SPATA6: variants seen among roughly 807,000 people sequenced by gnomAD.
SPATA6 encodes the protein spermatogenesis-associated protein 6.
Under a neutral mutation model 65.3 loss-of-function variants are expected in SPATA6, and 56 were observed. The ratio of observed to expected loss-of-function variants is 0.86; its 90% CI spans 0.69 to 1.07. SPATA6 has a LOEUF of 1.07. Ranked by LOEUF, SPATA6 falls within the 50% of genes least tolerant of loss-of-function variation. The pLI, the probability that SPATA6 is intolerant of heterozygous loss-of-function variation, is 0.00. For missense variants in SPATA6, 590 were observed against 594.8 expected, an observed-to-expected ratio of 0.99 and a Z score of 0.08; for synonymous variants, 199 against 213.2, an observed-to-expected ratio of 0.93 and a Z score of 0.58.
chr1:48,344,146 T>C (rs1646297065), intron 11 of SPATA6: 1 of 152,096 alleles, frequency 6.6e-6, no homozygotes, highest in Non-Finnish European at 1.5e-5. Flanking sequence ...AACAAAAATG[T>C]TAAAAGTGTA....
chr1:48,377,765 C>G (rs1177563947), intron 9 of SPATA6, among the ~76,000 whole-genome samples: 1 of 152,142 alleles, frequency 6.6e-6, no homozygotes, highest in Admixed American at 6.6e-5. Flanking sequence ...AGCAGGGGAA[C>G]GGAACAGAGT....
intron 2 of SPATA6, among the ~76,000 whole-genome samples, chr1:48,452,252 C>T (rs899738165): frequency 2.0e-5 from 3 of 149,836 alleles, no homozygotes; most frequent in African/African-American, 4.9e-5. Context: ...GGAAGGAAGG[C>T]GAGAAGGAAG....
At chr1:48,313,288 C>G (rs934367574) in intron 11 of SPATA6, among the ~76,000 whole-genome samples, 1 of 152,142 alleles carries the variant, frequency 6.6e-6, no homozygotes, top group Non-Finnish European at 1.5e-5. Context: ...TAAGGGCAGC[C>G]AGAGAGAAAG....
intron 11 of SPATA6, among the ~76,000 whole-genome samples, chr1:48,329,110 T>A (rs72891582): frequency 0.015 from 2,263 of 152,170 alleles, 56 homozygotes; most frequent in African/African-American, 0.052. Context: ...TGAGAAGAAA[T>A]TAAAGTAGCT....
intron 3 of SPATA6, among the ~76,000 whole-genome samples, chr1:48,421,543 T>A (rs758745387): frequency 6.6e-6 from 1 of 152,054 alleles, no homozygotes; most frequent in Non-Finnish European, 1.5e-5. Context: ...ATTAAGCCAA[T>A]CGTAAATAAA....
chr1:48,285,576 C>A, the SPATA6 span, among the ~76,000 whole-genome samples: 1 of 151,962 alleles, frequency 6.6e-6, no homozygotes, highest in African/African-American at 2.4e-5. Flanking sequence ...TGGCATGGCA[C>A]CCAAAGGAAT....
chr1:48,279,666 A>T, the SPATA6 span, among the ~76,000 whole-genome samples: 1 of 152,224 alleles, frequency 6.6e-6, no homozygotes, highest in Non-Finnish European at 1.5e-5. Context: ...ATACAGGAGC[A>T]TGCAGATTCA....
the SPATA6 span, among the ~76,000 whole-genome samples, chr1:48,273,017 C>A: frequency 6.6e-6 from 1 of 151,984 alleles, no homozygotes; most frequent in Non-Finnish European, 1.5e-5. Flanking sequence ...AGGATTTAAC[C>A]CCTTATTGAA....
intron 11 of SPATA6, among the ~76,000 whole-genome samples, chr1:48,342,864 T>A (rs996285387): frequency 6.6e-6 from 1 of 152,030 alleles, no homozygotes; most frequent in African/African-American, 2.4e-5. Context: ...ATAAAAAATT[T>A]TAAAGGACCT....
chr1:48,286,875 A>G, the SPATA6 span, among the ~76,000 whole-genome samples: 3 of 152,088 alleles, frequency 2.0e-5, no homozygotes, highest in East Asian at 3.9e-4. Context: ...TGTCTCTACT[A>G]AAAGTACAAA....
intron 11 of SPATA6, among the ~76,000 whole-genome samples, chr1:48,319,046 G>A (rs1439186508): frequency 6.6e-6 from 1 of 152,200 alleles, no homozygotes; most frequent in Admixed American, 6.5e-5. Context: ...ATGGTGCTGT[G>A]ACAACCAGAT....
At chr1:48,283,340 A>G in the SPATA6 span, among the ~76,000 whole-genome samples, 1 of 126,540 alleles carries the variant, frequency 7.9e-6, no homozygotes, top group Admixed American at 8.0e-5. Flanking sequence ...TAATAATAAT[A>G]AAATAAAAAA....
intron 9 of SPATA6, among the ~76,000 whole-genome samples, chr1:48,380,560 T>C (rs1648445486): frequency 1.3e-5 from 2 of 152,388 alleles, no homozygotes; most frequent in South Asian, 4.1e-4. Flanking sequence ...TAGTACTTGC[T>C]CTTCATTCTA....
intron 12 of SPATA6, among the ~76,000 whole-genome samples, chr1:48,301,172 A>G (rs1426982079): frequency 2.0e-5 from 3 of 152,126 alleles, no homozygotes; most frequent in South Asian, 2.1e-4. Flanking sequence ...AAAATGAATA[A>G]ACACATTTAG....
chr1:48,316,771 G>A (rs545515272), intron 11 of SPATA6, among the ~76,000 whole-genome samples: 2 of 152,248 alleles, frequency 1.3e-5, no homozygotes, highest in South Asian at 4.1e-4. Flanking sequence ...GAAAATTTTT[G>A]CAATCTACTA....
At chr1:48,434,705 T>C (rs1235283533) in intron 3 of SPATA6, among the ~76,000 whole-genome samples, 3 of 152,140 alleles carry the variant, frequency 2.0e-5, no homozygotes, top group African/African-American at 7.2e-5. Context: ...GGGGTGTGTG[T>C]GTGTGTGTGT....
At chr1:48,328,475 ATATAT>A (rs1645827530) in intron 11 of SPATA6, among the ~76,000 whole-genome samples, 1 of 152,160 alleles carries the variant, frequency 6.6e-6, no homozygotes, top group Admixed American at 6.5e-5. Context: ...CAAGCCTTTA[ATATAT>A]TATATTAAGT....
chr1:48,447,754 G>A (rs1656195484), intron 3 of SPATA6, among the ~76,000 whole-genome samples: 1 of 152,052 alleles, frequency 6.6e-6, no homozygotes, highest in East Asian at 1.9e-4. Context: ...AAGAAATATA[G>A]GAAATCCCCA....
At chr1:48,375,218 C>T (rs955137786) in intron 9 of SPATA6, among the ~76,000 whole-genome samples, 1 of 152,142 alleles carries the variant, frequency 6.6e-6, no homozygotes, top group African/African-American at 2.4e-5. Flanking sequence ...CACTGAGTTT[C>T]CCTGTCTTTC....
Sources: allele counts gnomAD v4.1 joint callset (sites outside exome capture counted in the v4.1 genomes callset), GRCh38; gene constraint gnomAD v4.1.1; transcripts MANE v1.5; gene names NCBI Gene and HGNC (gene_info 2026-07-23, HGNC 2026-07-21).